Variants in CDK14 observed in about 807,000 individuals in gnomAD.
CDK14 encodes cyclin-dependent kinase 14.
Under a neutral mutation model 60.7 loss-of-function variants are expected in CDK14, and 34 were observed. The ratio of observed to expected loss-of-function variants is 0.56; its 90% CI spans 0.43 to 0.75. The LOEUF (loss-of-function observed/expected upper bound fraction) is 0.75. CDK14 is among the 30% of genes least tolerant of loss of function. The probability of loss-of-function intolerance (pLI) is 0.00; values close to 1 mark genes in which losing one functional copy is unlikely to be tolerated. For synonymous variants in CDK14, 197 were observed against 203.7 expected (o/e 0.97, Z 0.28); for missense variants, 482 against 564.1 (o/e 0.85, Z 1.47).
At chr7:90,860,967 T>C (rs934159758) in intron 5 of CDK14, among the ~76,000 whole-genome samples, 6 of 151,900 alleles carry the variant, frequency 3.9e-5, no homozygotes, top group Non-Finnish European at 7.4e-5. Context: ...TTTAGAGGAG[T>C]AGATACCCAG....
chr7:90,641,675 G>C (rs981701197), intron 2 of CDK14, among the ~76,000 whole-genome samples: 8 of 152,082 alleles, frequency 5.3e-5, no homozygotes, highest in Non-Finnish European at 8.8e-5. Context: ...GACAGCTGTG[G>C]CTCTCTTTGA....
intron 5 of CDK14, among the ~76,000 whole-genome samples, chr7:90,823,861 T>C (rs1009254173): frequency 1.3e-5 from 2 of 152,208 alleles, no homozygotes; most frequent in Non-Finnish European, 2.9e-5. Context: ...ATTGTTATTT[T>C]GAATGCACTG....
intron 10 of CDK14, among the ~76,000 whole-genome samples, chr7:90,988,992 T>TTGTG (rs879424238): frequency 2.5e-4 from 18 of 73,170 alleles, no homozygotes; most frequent in Admixed American, 1.5e-3. Flanking sequence ...TTGAGTGTGT[T>TTGTG]TGTGTGTGAG....
intron 5 of CDK14, among the ~76,000 whole-genome samples, chr7:90,799,484 T>C (rs1380236123): frequency 6.6e-6 from 1 of 151,682 alleles, no homozygotes; most frequent in Non-Finnish European, 1.5e-5. Context: ...GGTCAGGAGT[T>C]TGAGACCAGC....
chr7:90,980,181 T>C (rs1429723803), intron 9 of CDK14, among the ~76,000 whole-genome samples: 9 of 152,122 alleles, frequency 5.9e-5, no homozygotes, highest in Admixed American at 5.2e-4. Flanking sequence ...TGTGTGAGCA[T>C]AGGTGGGTGT....
intron 11 of CDK14, among the ~76,000 whole-genome samples, chr7:91,052,131 C>CATGAGCTGA (rs1413960352): frequency 2.0e-5 from 3 of 152,132 alleles, no homozygotes; most frequent in Admixed American, 1.3e-4. Context: ...GCTGAGAGTG[C>CATGAGCTGA]GAGTGGTGTT....
rs753754657 is a variant in CDK14 at position 90,875,328 on chromosome 7, C to T, written c.639+12059C>T. Among the ~76,000 whole-genome samples, 22 of 152,244 alleles carry T rather than the reference C, an allele frequency of 1.4e-4. No homozygotes were observed. The East Asian group carries it at 2.5e-3, about 17-fold the overall frequency. On this transcript the variant is annotated intron_variant, in intron 6 of 14. Coordinates refer to ENST00000380050, the MANE Select transcript of CDK14 (RefSeq NM_001287135.2). The stretch of plus-strand genomic sequence containing the variant: ...TAGTGCTGCTATGAACATTTGTGTA[C>T]GTGCATTTGTTTATCTTCTTTCAAT...
At chr7:91,180,512 A>T (rs1049754668) in intron 14 of CDK14, among the ~76,000 whole-genome samples, 1 of 152,206 alleles carries the variant, frequency 6.6e-6, no homozygotes, top group African/African-American at 2.4e-5. Flanking sequence ...TATCAGCAGA[A>T]TGTTGACGTT....
At chr7:91,196,554 G>A (rs1032925609) in intron 14 of CDK14, among the ~76,000 whole-genome samples, 1 of 152,234 alleles carries the variant, frequency 6.6e-6, no homozygotes, top group South Asian at 2.1e-4. Context: ...GGCAACACTT[G>A]TACTTCTTCT....
chr7:91,108,235 A>T (rs1799365846), intron 12 of CDK14, among the ~76,000 whole-genome samples: 1 of 152,216 alleles, frequency 6.6e-6, no homozygotes, highest in African/African-American at 2.4e-5. Context: ...TGAACCTGGG[A>T]GACAGAGGTT....
chr7:90,757,487 G>T (rs1006050336), intron 4 of CDK14, among the ~76,000 whole-genome samples: 2 of 151,944 alleles, frequency 1.3e-5, no homozygotes, highest in Admixed American at 1.3e-4. Flanking sequence ...TCATGACAGT[G>T]TTGTTCTTTT....
At chr7:91,057,767 C>A (rs1050035379) in intron 11 of CDK14, among the ~76,000 whole-genome samples, 1 of 152,026 alleles carries the variant, frequency 6.6e-6, no homozygotes, top group African/African-American at 2.4e-5. Flanking sequence ...TGGTCTATAT[C>A]TCTGTTTTGG....
At chr7:90,757,366 C>CAA (rs34353167) in intron 4 of CDK14, among the ~76,000 whole-genome samples, 41 of 149,858 alleles carry the variant, frequency 2.7e-4, no homozygotes, top group East Asian at 1.8e-3. Context: ...TGACTCATTT[C>CAA]AAAAAAAAAT....
chr7:90,653,306 T>A (rs7801004), intron 2 of CDK14, among the ~76,000 whole-genome samples: 46,344 of 151,878 alleles, frequency 0.31, 7,966 homozygotes, highest in East Asian at 0.67. Flanking sequence ...TTGCTTCTAA[T>A]AGTTACTAAT....
chr7:90,815,933 G>T (rs1789336432), intron 5 of CDK14, among the ~76,000 whole-genome samples: 1 of 152,076 alleles, frequency 6.6e-6, no homozygotes, highest in South Asian at 2.1e-4. Context: ...GGGGGGTAAG[G>T]GGAGGGGGAG....
intron 14 of CDK14, among the ~76,000 whole-genome samples, chr7:91,151,850 A>G (rs1800836382): frequency 6.6e-6 from 1 of 152,162 alleles, no homozygotes; most frequent in African/African-American, 2.4e-5. Context: ...CCCACCTATG[A>G]TGTAATGTTA....
chr7:90,961,332 A>C (rs574707952), intron 9 of CDK14, among the ~76,000 whole-genome samples: 11 of 152,244 alleles, frequency 7.2e-5, no homozygotes, highest in African/African-American at 2.6e-4. Flanking sequence ...ACATTTTACT[A>C]TACAGTTTTA....
Position 90,879,697 on chromosome 7 carries a change from A to G in CDK14, c.639+16428A>G, listed in dbSNP as rs191598816. On this transcript the variant is annotated intron_variant, in intron 6 of 14. Coordinates refer to ENST00000380050, the MANE Select transcript of CDK14 (RefSeq NM_001287135.2). The stretch of plus-strand genomic sequence containing the variant: ...AACATGGCACATGTATACCTACGTA[A>G]CAAACCTGCACATTGTGCACATGTA... 1.2e-4 allele frequency among the ~76,000 whole-genome samples: 18 copies of G among 152,286 alleles called. No homozygotes were observed. The East Asian group carries it at 3.1e-3, about 26-fold the overall frequency.
At chr7:91,011,733 A>G (rs1336992244) in intron 10 of CDK14, among the ~76,000 whole-genome samples, 1 of 152,152 alleles carries the variant, frequency 6.6e-6, no homozygotes, top group Non-Finnish European at 1.5e-5. Context: ...ATGTATCATT[A>G]ATCTCATTCA....
Sources: allele counts gnomAD v4.1 joint callset (sites outside exome capture counted in the v4.1 genomes callset), GRCh38; gene constraint gnomAD v4.1.1; transcripts MANE v1.5; gene names NCBI Gene and HGNC (gene_info 2026-07-23, HGNC 2026-07-21).